SLC35F1: variants seen among roughly 807,000 people sequenced by gnomAD.
SLC35F1 encodes chromosome 6 open reading frame 169.
In SLC35F1, 14 loss-of-function variants were observed where a neutral mutation model predicts 48.7. The ratio of observed to expected loss-of-function variants is 0.29; its 90% CI spans 0.19 to 0.45. The LOEUF (loss-of-function observed/expected upper bound fraction) is 0.45, where lower values mean the gene tolerates loss of function less well. Among genes scored for constraint, SLC35F1 ranks in the 20% least tolerant of loss-of-function variants. SLC35F1 has a pLI of 1.00. For missense variants in SLC35F1, 404 were observed against 500.0 expected (o/e 0.81, Z 1.83); for synonymous variants, 190 against 202.2 (o/e 0.94, Z 0.51).
At chr6:118,130,254 A>G (rs59477600) in intron 1 of SLC35F1, among the ~76,000 whole-genome samples, 22,342 of 152,160 alleles carry the variant, frequency 0.15, 1,708 homozygotes, top group South Asian at 0.32. Flanking sequence ...TGCCTGTCAC[A>G]TGGCATGATT....
At chr6:117,941,424 C>G (rs1301310428) in intron 1 of SLC35F1, among the ~76,000 whole-genome samples, 3 of 152,146 alleles carry the variant, frequency 2.0e-5, no homozygotes, top group African/African-American at 7.2e-5. Context: ...GACAGGCTTA[C>G]TGAATAGGGG....
At chr6:118,067,117 A>G (rs1397026180) in intron 1 of SLC35F1, among the ~76,000 whole-genome samples, 1 of 152,240 alleles carries the variant, frequency 6.6e-6, no homozygotes, top group Admixed American at 6.5e-5. Context: ...CAATTTGTGC[A>G]CAATTATTTG....
intron 3 of SLC35F1, among the ~76,000 whole-genome samples, chr6:118,264,460 A>G (rs1346245502): frequency 6.6e-6 from 1 of 152,174 alleles, no homozygotes; most frequent in Non-Finnish European, 1.5e-5. Context: ...CTTCTTTCTA[A>G]AAGTTTGCAC....
At chr6:118,200,225 G>A (rs1774856554) in intron 2 of SLC35F1, among the ~76,000 whole-genome samples, 1 of 152,064 alleles carries the variant, frequency 6.6e-6, no homozygotes, top group African/African-American at 2.4e-5. Context: ...GAGCTGGACA[G>A]TAGTTACAGT....
At chr6:117,968,081 T>C (rs1186418717) in intron 1 of SLC35F1, among the ~76,000 whole-genome samples, 1 of 152,214 alleles carries the variant, frequency 6.6e-6, no homozygotes, top group African/African-American at 2.4e-5. Context: ...TGAATTGTAT[T>C]TGACTTCTAT....
chr6:118,131,067 G>T lies in SLC35F1; in HGVS notation c.174-23378G>T, dbSNP rs112003042. ...CTGTTTGGCTAAAGTAGAAGGTTGG[G>T]CATAGTCAGCATATATAGCTAGTCC... On this transcript the variant is annotated intron_variant, in intron 1 of 7. Coordinates refer to ENST00000360388, the MANE Select transcript of SLC35F1 (RefSeq NM_001029858.4). 2.6e-5 allele frequency among the ~76,000 whole-genome samples: 4 copies of T among 152,054 alleles called. No individual in the cohort carries two copies. The South Asian group carries it at 8.3e-4, about 32-fold the overall frequency.
chr6:118,225,439 T>C (rs113266268), intron 2 of SLC35F1, among the ~76,000 whole-genome samples: 1 of 152,160 alleles, frequency 6.6e-6, no homozygotes, highest in African/African-American at 2.4e-5. Context: ...GTTAACCATA[T>C]GCAGAAGAGG....
intron 2 of SLC35F1, among the ~76,000 whole-genome samples, chr6:118,184,144 C>T (rs1250515482): frequency 6.6e-6 from 1 of 152,116 alleles, no homozygotes; most frequent in Non-Finnish European, 1.5e-5. Context: ...GCACAGGACA[C>T]AAGTAACAAT....
At position 118,261,504 on chromosome 6, in the gene SLC35F1, C is replaced by CA. The variant is rs1295270908; in HGVS notation, c.478-5490dup. Among the ~76,000 whole-genome samples the CA allele has an allele frequency of 5.3e-5, 8 of 152,284 alleles. No individual in the cohort carries two copies. The East Asian group carries it at 1.5e-3, about 29-fold the overall frequency. On this transcript the variant is annotated intron_variant, in intron 3 of 7. Transcript: ENST00000360388. Reference sequence around the variant, plus strand: ...AAATTTAAATTAAAGTGCACAGTGTCAGAGTAACAGAATGCAGGTCAGCAG... The same window carrying CA: ...AAATTTAAATTAAAGTGCACAGTGTCAAGAGTAACAGAATGCAGGTCAGCAG...
chr6:117,918,866 G>C (rs1310265500), intron 1 of SLC35F1, among the ~76,000 whole-genome samples: 1 of 152,060 alleles, frequency 6.6e-6, no homozygotes, highest in Non-Finnish European at 1.5e-5. Context: ...GGGTATGAGA[G>C]AGAGAGAAGA....
At chr6:118,000,079 A>C (rs1777067340) in intron 1 of SLC35F1, among the ~76,000 whole-genome samples, 1 of 152,132 alleles carries the variant, frequency 6.6e-6, no homozygotes, top group East Asian at 1.9e-4. Flanking sequence ...AAAAGAGGGA[A>C]TCCTCCCTAA....
chr6:117,987,867 G>A (rs561608400), intron 1 of SLC35F1, among the ~76,000 whole-genome samples: 3 of 152,164 alleles, frequency 2.0e-5, no homozygotes, highest in East Asian at 1.9e-4. Context: ...ATTGGCAAAT[G>A]CAAAATTATA....
intron 1 of SLC35F1, among the ~76,000 whole-genome samples, chr6:118,093,335 G>A (rs1277952139): frequency 2.0e-5 from 3 of 152,056 alleles, no homozygotes; most frequent in African/African-American, 7.2e-5. Context: ...AATTATAAAT[G>A]TGAGGACATG....
intron 1 of SLC35F1, among the ~76,000 whole-genome samples, chr6:118,078,573 TC>T (rs2114315344): frequency 6.6e-6 from 1 of 152,354 alleles, no homozygotes; most frequent in East Asian, 1.9e-4. Flanking sequence ...CTTATTCTGT[TC>T]CTTGACTCTT....
At chr6:118,289,589 T>C (rs1402072512) in intron 7 of SLC35F1, among the ~76,000 whole-genome samples, 1 of 152,204 alleles carries the variant, frequency 6.6e-6, no homozygotes, top group African/African-American at 2.4e-5. Context: ...TTAATAAAAA[T>C]TTAGTTATAC....
At chr6:118,295,190 CAAAGTT>C (rs1776169352) in intron 7 of SLC35F1, among the ~76,000 whole-genome samples, 1 of 152,052 alleles carries the variant, frequency 6.6e-6, no homozygotes, top group African/African-American at 2.4e-5. Context: ...ATTTGGCAAA[CAAAGTT>C]AAATAACTCT....
chr6:117,990,512 T>C (rs930287732), intron 1 of SLC35F1, among the ~76,000 whole-genome samples: 1 of 152,188 alleles, frequency 6.6e-6, no homozygotes, highest in Non-Finnish European at 1.5e-5. Context: ...AATAGGACAT[T>C]CTGTTGTACA....
intron 1 of SLC35F1, among the ~76,000 whole-genome samples, chr6:118,153,399 T>C (rs5005997): frequency 0.48 from 72,473 of 152,106 alleles, 18,524 homozygotes; most frequent in Middle Eastern, 0.62. Context: ...AACATGAGAC[T>C]GTACTGCATA....
chr6:118,215,730 G>C (rs1306564322), intron 2 of SLC35F1, among the ~76,000 whole-genome samples: 1 of 152,276 alleles, frequency 6.6e-6, no homozygotes, highest in East Asian at 1.9e-4. Context: ...GCTTGTAGTT[G>C]ATGACTCTGT....
Sources: allele counts gnomAD v4.1 joint callset (sites outside exome capture counted in the v4.1 genomes callset), GRCh38; gene constraint gnomAD v4.1.1; transcripts MANE v1.5; gene names NCBI Gene and HGNC (gene_info 2026-07-23, HGNC 2026-07-21).